C1QTNF3: variants seen among roughly 807,000 people sequenced by gnomAD.
C1QTNF3 encodes C1q and TNF related 3.
Under a neutral mutation model 32.6 loss-of-function variants are expected in C1QTNF3, and 26 were observed. The observed-to-expected ratio is 0.80, with a 90% CI of 0.58 to 1.11. The LOEUF (loss-of-function observed/expected upper bound fraction) is 1.11, where lower values mean the gene tolerates loss of function less well. C1QTNF3 is among the 50% of genes least tolerant of loss of function. The probability of loss-of-function intolerance (pLI) is 0.00; values close to 1 mark genes in which losing one functional copy is unlikely to be tolerated. For missense variants in C1QTNF3, 362 were observed against 398.2 expected, an observed-to-expected ratio of 0.91 and a Z score of 0.77; for synonymous variants, 155 against 146.0, an observed-to-expected ratio of 1.06 and a Z score of -0.44.
chr5:34,042,841 G>C lies in C1QTNF3; in HGVS notation c.285C>G (p.Ile95Met). Residue 95 changes from isoleucine (I) to methionine (M), a missense_variant, in exon 1 of 6, where the codon ATC becomes ATG. Transcript: ENST00000382065. Reference sequence around the variant, plus strand: ...TGAGTACCTGGCCCCAGAATGTGGTGATCTGGGCTAGGTCATCTACCTCGG... The same window carrying C: ...TGAGTACCTGGCCCCAGAATGTGGTCATCTGGGCTAGGTCATCTACCTCGG... ...PHPEVDDLAQITTFWGQSPQT... is the reference protein window; with the variant it reads ...PHPEVDDLAQMTTFWGQSPQT... The C allele has an allele frequency of 1.2e-6, 2 of 1,613,586 alleles. No individual in the cohort carries two copies. The highest frequency in any genetic ancestry group is 1.7e-6 in the Non-Finnish European group (2 of 1,179,588).
chr5:34,168,475 C>T, the C1QTNF3 span: 1 of 151,214 alleles, frequency 6.6e-6, no homozygotes, highest in East Asian at 1.9e-4. Context: ...TACTTGTAAA[C>T]CTTATGAAGG....
At chr5:34,154,213 T>C in the C1QTNF3 span, among the ~76,000 whole-genome samples, 15 of 152,218 alleles carry the variant, frequency 9.9e-5, no homozygotes, top group Non-Finnish European at 1.6e-4. Context: ...CTTTTGAACA[T>C]ATTTTGGAAA....
At chr5:34,060,513 T>C in the C1QTNF3 span, among the ~76,000 whole-genome samples, 1 of 152,168 alleles carries the variant, frequency 6.6e-6, no homozygotes, top group Non-Finnish European at 1.5e-5. Flanking sequence ...TCTGTTTTCA[T>C]GCTGTTAATA....
At chr5:34,133,725 C>A in the C1QTNF3 span, among the ~76,000 whole-genome samples, 1 of 152,150 alleles carries the variant, frequency 6.6e-6, no homozygotes, top group African/African-American at 2.4e-5. Context: ...CCTGAAGTGC[C>A]TGTTTAATGA....
upstream of C1QTNF3, among the ~76,000 whole-genome samples, chr5:34,045,528 A>C (rs1183959091): frequency 6.6e-6 from 1 of 152,174 alleles, no homozygotes; most frequent in Admixed American, 6.5e-5. Context: ...GCCAAGTACT[A>C]CTTTGCTTTA....
the C1QTNF3 span, among the ~76,000 whole-genome samples, chr5:34,227,408 T>C: frequency 6.6e-6 from 1 of 152,010 alleles, no homozygotes; most frequent in African/African-American, 2.4e-5. Context: ...TAACTTTTTA[T>C]AATAGATGCA....
the C1QTNF3 span, among the ~76,000 whole-genome samples, chr5:34,236,321 G>A: frequency 6.6e-6 from 1 of 151,828 alleles, no homozygotes; most frequent in Non-Finnish European, 1.5e-5. Flanking sequence ...AACCCAGGAG[G>A]TGGAGGTTGC....
At chr5:34,229,952 TC>T in the C1QTNF3 span, among the ~76,000 whole-genome samples, 1 of 152,100 alleles carries the variant, frequency 6.6e-6, no homozygotes, top group Admixed American at 6.6e-5. Context: ...ACCACCCTTC[TC>T]TTTCTCTCTC....
At chr5:34,028,958 T>A (rs1440598552) in intron 3 of C1QTNF3, 75 bp from the exon 4 acceptor site, 2 of 1,305,326 alleles carry the variant, frequency 1.5e-6, no homozygotes, top group East Asian at 2.4e-5. Flanking sequence ...GATTAGTTTG[T>A]TAAACATTAT....
chr5:34,093,743 A>T, the C1QTNF3 span, among the ~76,000 whole-genome samples: 1 of 151,524 alleles, frequency 6.6e-6, no homozygotes, highest in Non-Finnish European at 1.5e-5. Context: ...ACTATCTTCT[A>T]CACCTTAGAG....
chr5:34,060,195 C>A, the C1QTNF3 span, among the ~76,000 whole-genome samples: 1 of 152,198 alleles, frequency 6.6e-6, no homozygotes, highest in East Asian at 1.9e-4. Flanking sequence ...ATAGACCAAA[C>A]AAAGTACAGT....
the C1QTNF3 span, among the ~76,000 whole-genome samples, chr5:34,236,786 G>A: frequency 2.0e-5 from 3 of 151,726 alleles, no homozygotes; most frequent in South Asian, 6.3e-4. Flanking sequence ...GTGTTGGCCA[G>A]GATGGTCTTG....
the C1QTNF3 span, among the ~76,000 whole-genome samples, chr5:34,092,811 C>T: frequency 6.6e-6 from 1 of 151,936 alleles, no homozygotes; most frequent in Non-Finnish European, 1.5e-5. Flanking sequence ...TCATGTCACA[C>T]TTTTCTCTCT....
At chr5:34,028,542 T>C (rs1463961215) in intron 4 of C1QTNF3, among the ~76,000 whole-genome samples, 1 of 152,226 alleles carries the variant, frequency 6.6e-6, no homozygotes, top group Non-Finnish European at 1.5e-5. Context: ...TCGTTTACTT[T>C]GAAATCCAAC....
intron 1 of C1QTNF3, among the ~76,000 whole-genome samples, chr5:34,039,708 A>T (rs1039650583): frequency 6.6e-6 from 1 of 152,236 alleles, no homozygotes; most frequent in Admixed American, 6.5e-5. Context: ...AAACAAGAGA[A>T]GATTTCCCAC....
chr5:34,197,964 G>A, the C1QTNF3 span, among the ~76,000 whole-genome samples: 4 of 150,754 alleles, frequency 2.7e-5, no homozygotes, highest in Non-Finnish European at 5.9e-5. Context: ...GGCTGGGCAC[G>A]GTGGCTCACA....
the C1QTNF3 span, among the ~76,000 whole-genome samples, chr5:34,208,943 G>C: frequency 6.6e-6 from 1 of 152,114 alleles, no homozygotes; most frequent in Non-Finnish European, 1.5e-5. Context: ...TTCACTACCA[G>C]GGACCATTTG....
the C1QTNF3 span, among the ~76,000 whole-genome samples, chr5:34,118,884 T>A: frequency 2.0e-5 from 3 of 152,082 alleles, no homozygotes; most frequent in South Asian, 6.2e-4. Context: ...TTTCTTAGTG[T>A]TCACTATCTC....
the C1QTNF3 span, among the ~76,000 whole-genome samples, chr5:34,227,526 C>G: frequency 6.6e-6 from 1 of 151,020 alleles, no homozygotes; most frequent in Non-Finnish European, 1.5e-5. Flanking sequence ...GATGGGTCAC[C>G]TGTTATCTTT....
Sources: gnomAD v4.1 joint callset for allele counts (sites outside exome capture counted in the v4.1 genomes callset) on GRCh38, gnomAD v4.1.1 for gene constraint, MANE v1.5 for transcripts, NCBI Gene and HGNC (gene_info 2026-07-23, HGNC 2026-07-21) for gene names.